The following FRMD4B variants were observed in gnomAD, a reference collection of about 807,000 sequenced individuals.
FRMD4B encodes FERM domain-containing protein 4B.
Under a neutral mutation model 141.5 loss-of-function variants are expected in FRMD4B, and 74 were observed. The observed-to-expected ratio is 0.52, with a 90% CI of 0.43 to 0.63. The LOEUF (loss-of-function observed/expected upper bound fraction) is 0.63, where lower values mean the gene tolerates loss of function less well. FRMD4B is among the 30% of genes least tolerant of loss of function. The pLI, the probability that FRMD4B is intolerant of heterozygous loss-of-function variation, is 0.00. For missense variants in FRMD4B, 1,366 were observed against 1,253.4 expected, an observed-to-expected ratio of 1.09 and a Z score of -1.36; for synonymous variants, 506 against 467.9, an observed-to-expected ratio of 1.08 and a Z score of -1.05.
At chr3:69,454,213 A>T (rs1050868631) in intron 1 of FRMD4B, among the ~76,000 whole-genome samples, 14 of 152,200 alleles carry the variant, frequency 9.2e-5, no homozygotes, top group Non-Finnish European at 1.9e-4. Context: ...CCATGTGTAG[A>T]AGGAGATACT....
chr3:69,368,193 C>G (rs1281029865), intron 1 of FRMD4B, among the ~76,000 whole-genome samples: 3 of 152,160 alleles, frequency 2.0e-5, no homozygotes, highest in Non-Finnish European at 4.4e-5. Context: ...TATCATGTTC[C>G]CATTTTACAG....
intron 21 of FRMD4B, among the ~76,000 whole-genome samples, chr3:69,176,964 C>A (rs201967505): frequency 8.2e-4 from 4 of 4,906 alleles, no homozygotes; most frequent in African/African-American, 7.2e-4. Context: ...GTACTTGATA[C>A]AAAGTACTCA....
rs10554375 is a variant in FRMD4B at position 69,329,516 on chromosome 3, ATTTTTTT to A, written c.163-16006_163-16000del. Among the ~76,000 whole-genome samples the A allele has an allele frequency of 4.8e-3, 264 of 55,554 alleles. 3 individuals carry two copies. The highest frequency in any genetic ancestry group is 0.014 in the African/African-American group (244 of 17,070). 36.4% of individuals were successfully genotyped at this position (55,554 alleles called of 152,430 possible). On this transcript the variant is annotated intron_variant, in intron 1 of 22. Coordinates refer to ENST00000398540, the MANE Select transcript of FRMD4B (RefSeq NM_015123.3). ...AGGCATGCACCACCATGCCCAGCTA[ATTTTTTT>A]TTTTTTTTTTTTTTTTTTTTTTGAG... is the stretch of plus-strand genomic sequence containing the variant.
chr3:69,370,412 A>T (rs1703792947), intron 1 of FRMD4B, among the ~76,000 whole-genome samples: 1 of 152,168 alleles, frequency 6.6e-6, no homozygotes, highest in African/African-American at 2.4e-5. Context: ...ACGGGTGGGT[A>T]CTTGCAGCTG....
At chr3:69,283,660 G>A (rs1478761342) in intron 5 of FRMD4B, among the ~76,000 whole-genome samples, 1 of 152,120 alleles carries the variant, frequency 6.6e-6, no homozygotes, top group African/African-American at 2.4e-5. Flanking sequence ...ATATTACAAG[G>A]AGCGATTGTA....
At chr3:69,311,908 C>A (rs1701605588) in intron 2 of FRMD4B, among the ~76,000 whole-genome samples, 1 of 152,200 alleles carries the variant, frequency 6.6e-6, no homozygotes, top group Admixed American at 6.5e-5. Flanking sequence ...TGAGGCAGGG[C>A]TTTTTATTTC....
intron 22 of FRMD4B, 126 bp from the exon 23 acceptor site, chr3:69,172,107 T>C (rs1345769918): frequency 1.3e-6 from 1 of 770,904 alleles, no homozygotes; most frequent in Non-Finnish European, 2.2e-6. Flanking sequence ...AATGTAGAGA[T>C]AAGGGAAAGG....
chr3:69,537,254 G>A (rs1304623470), intron 1 of FRMD4B, among the ~76,000 whole-genome samples: 4 of 152,102 alleles, frequency 2.6e-5, no homozygotes, highest in African/African-American at 4.8e-5. Flanking sequence ...CCTCACAGCT[G>A]TACACACTAG....
chr3:69,205,110 C>T (rs1426288147), intron 11 of FRMD4B, among the ~76,000 whole-genome samples: 1 of 147,498 alleles, frequency 6.8e-6, no homozygotes, highest in Non-Finnish European at 1.5e-5. Context: ...TTATTTCTTC[C>T]TCAAATAAAA....
At chr3:69,388,894 A>ATAT (rs1414138376), upstream of FRMD4B, among the ~76,000 whole-genome samples, 1 of 152,166 alleles carries the variant, frequency 6.6e-6, no homozygotes. Context: ...TTATATGGAT[A>ATAT]TATTGCATTG....
chr3:69,245,371 G>A (rs1223827398), intron 7 of FRMD4B, among the ~76,000 whole-genome samples: 1 of 148,770 alleles, frequency 6.7e-6, no homozygotes, highest in Non-Finnish European at 1.5e-5. Context: ...ACAGAGTCTT[G>A]CTCTGTTGCC....
rs141289974 is a variant in FRMD4B, at chr3:69,518,079, G to A, written c.-129+24127C>T. The stretch of plus-strand genomic sequence containing the variant: ...GAGCTCTGGGCTACTCCTTTTTTAA[G>A]CGAACTTAGAATAATTAAAAAGTGA... On this transcript the variant is annotated intron_variant, in intron 1 of 5. Transcript: ENST00000459638. Among the ~76,000 whole-genome samples the A allele has an allele frequency of 3.1e-4, 47 of 152,218 alleles. No homozygotes were observed. The East Asian group carries it at 8.9e-3, about 29-fold the overall frequency.
intron 11 of FRMD4B, among the ~76,000 whole-genome samples, chr3:69,212,963 A>G (rs1402647122): frequency 6.6e-6 from 1 of 151,740 alleles, no homozygotes; most frequent in Non-Finnish European, 1.5e-5. Context: ...AGGGTAAGGT[A>G]TTTGTTTGAC....
At chr3:69,318,607 G>T (rs1235781731) in intron 1 of FRMD4B, among the ~76,000 whole-genome samples, 1 of 152,202 alleles carries the variant, frequency 6.6e-6, no homozygotes, top group Non-Finnish European at 1.5e-5. Context: ...TGGAAAGATG[G>T]CTCTGCTGAT....
chr3:69,252,842 A>AACGGGAC (rs2106799453), intron 5 of FRMD4B, among the ~76,000 whole-genome samples: 1 of 152,298 alleles, frequency 6.6e-6, no homozygotes, highest in Admixed American at 6.5e-5. Context: ...AGAGAGAGGT[A>AACGGGAC]ACGGGACACT....
intron 1 of FRMD4B, among the ~76,000 whole-genome samples, chr3:69,466,201 GT>G (rs1397554630): frequency 6.6e-6 from 1 of 152,134 alleles, no homozygotes. Flanking sequence ...TTTGAGAAGT[GT>G]CTGTTCATAT....
chr3:69,285,948 G>T (rs2107054824), intron 5 of FRMD4B, among the ~76,000 whole-genome samples: 1 of 152,248 alleles, frequency 6.6e-6, no homozygotes, highest in East Asian at 1.9e-4. Flanking sequence ...CAAAGATAAA[G>T]ATGACAGCAG....
chr3:69,213,242 T>G (rs937163985), intron 11 of FRMD4B, among the ~76,000 whole-genome samples: 1 of 152,166 alleles, frequency 6.6e-6, no homozygotes, highest in Non-Finnish European at 1.5e-5. Flanking sequence ...TACCATTTTT[T>G]TAACAGTTGC....
intron 2 of FRMD4B, among the ~76,000 whole-genome samples, chr3:69,392,400 G>C (rs1704399516): frequency 6.6e-6 from 1 of 152,114 alleles, no homozygotes; most frequent in Non-Finnish European, 1.5e-5. Flanking sequence ...GGTGATGATG[G>C]GGGTACATGA....
Sources: gnomAD v4.1 joint callset for allele counts (sites outside exome capture counted in the v4.1 genomes callset) on GRCh38, gnomAD v4.1.1 for gene constraint, MANE v1.5 for transcripts, NCBI Gene and HGNC (gene_info 2026-07-23, HGNC 2026-07-21) for gene names.